The following AFF2 variants were observed in gnomAD, a reference collection of about 807,000 sequenced individuals.
AFF2 encodes the protein AF4/FMR2 family member 2.
In AFF2, 14 loss-of-function variants were observed where a neutral mutation model predicts 76.9. The ratio of observed to expected loss-of-function variants is 0.18; its 90% confidence interval spans 0.12 to 0.28. The LOEUF is 0.28. AFF2 is among the 10% of genes least tolerant of loss of function. The pLI is 1.00. For synonymous variants in AFF2, 398 were observed against 366.7 expected, an observed-to-expected ratio of 1.09 and a Z score of -0.98; for missense variants, 868 against 1,001.1, an observed-to-expected ratio of 0.87 and a Z score of 1.79.
chrX:148,898,379 G>T (rs781980653), intron 8 of AFF2, among the ~76,000 whole-genome samples: 1 of 112,446 alleles, frequency 8.9e-6, no homozygotes, highest in South Asian at 3.7e-4. Context: ...GCCTTAGGAG[G>T]ATTCATCTTG....
intron 3 of AFF2, among the ~76,000 whole-genome samples, chrX:148,747,138 A>G (rs16994698): frequency 0.061 from 6,845 of 111,729 alleles, 492 homozygotes; most frequent in African/African-American, 0.2. Context: ...GCAGTAACCA[A>G]GACTCCTCAT....
chrX:148,689,847 T>C (rs782100623), intron 3 of AFF2, among the ~76,000 whole-genome samples: 9 of 112,207 alleles, frequency 8.0e-5, no homozygotes, highest in Non-Finnish European at 1.7e-4. Flanking sequence ...GCTGGCTTTG[T>C]TGCATTTTCA....
rs2072590687 is a variant in AFF2 at position 148,995,731 on chromosome X, T to G, written c.*4399T>G. On this transcript the variant is annotated 3_prime_UTR_variant, in exon 21 of 21. Coordinates refer to ENST00000370460, the MANE Select transcript of AFF2 (RefSeq NM_002025.4). ...AAAAATCATTCAAAATTTCAAACTC[T>G]TTTGCCAGTGACCTCAATTTTGTTG... is the stretch of plus-strand genomic sequence containing the variant. 1 of 112,845 alleles carries G rather than the reference T, an allele frequency of 8.9e-6. No homozygotes were observed. Among genetic ancestry groups the G allele is most frequent in the Non-Finnish European group, 1.9e-5 (1 of 53,298 alleles). The allele number at this position is 112,845 out of a possible 1,213,427, so 9.3% of individuals were successfully genotyped here. A position where few individuals can be genotyped will look rare whatever the true frequency, so the allele number is the denominator to read the frequency against.
At chrX:148,869,703 T>C (rs1189031506) in intron 7 of AFF2, among the ~76,000 whole-genome samples, 3 of 112,168 alleles carry the variant, frequency 2.7e-5, no homozygotes, top group Non-Finnish European at 3.8e-5. Flanking sequence ...GTTGGAAGGC[T>C]TAAAGCAACA....
intron 7 of AFF2, among the ~76,000 whole-genome samples, chrX:148,850,131 C>A (rs1039242655): frequency 4.5e-5 from 5 of 111,567 alleles, no homozygotes; most frequent in African/African-American, 1.6e-4. Flanking sequence ...TCTATTCCTG[C>A]AAGAGACTTA....
rs193261726 is a variant in AFF2, at chrX:148,761,364, C to T, written c.1042-48512C>T. Among the ~76,000 whole-genome samples, 8 of 109,848 alleles carry T rather than the reference C, an allele frequency of 7.3e-5. No homozygotes were observed. The East Asian group carries it at 2.0e-3, about 27-fold the overall frequency. On this transcript the variant is annotated intron_variant, in intron 3 of 20. Coordinates refer to ENST00000370460, the MANE Select transcript of AFF2 (RefSeq NM_002025.4). ...TGGGGGGAAAAGTCACTGTACTTGT[C>T]GCTTAGGCCTGTGGGTGTATATGGG...
At chrX:148,896,356 T>C (rs2071284189) in intron 8 of AFF2, among the ~76,000 whole-genome samples, 1 of 111,888 alleles carries the variant, frequency 8.9e-6, no homozygotes, top group Non-Finnish European at 1.9e-5. Flanking sequence ...TCTGTTTTAA[T>C]ATATTTGTGT....
In AFF2 at chrX:148,999,891, T is replaced by G. The variant is rs1187154523; in HGVS notation, c.*8559T>G. Reference sequence around the variant, plus strand: ...AAGAGGAAATTGTAGTAGGTCAAGATGCATGAGAGGGAAGATGGAGGCCAC... The same window carrying G: ...AAGAGGAAATTGTAGTAGGTCAAGAGGCATGAGAGGGAAGATGGAGGCCAC... On this transcript the variant is annotated 3_prime_UTR_variant, in exon 21 of 21. Coordinates refer to ENST00000370460, the MANE Select transcript of AFF2 (RefSeq NM_002025.4). The G allele has an allele frequency of 2.7e-5, 3 of 111,604 alleles. 1 individual carries two copies. Among genetic ancestry groups the G allele is most frequent in the African/African-American group, 9.8e-5 (3 of 30,639 alleles). 9.2% of individuals were successfully genotyped at this position (111,604 alleles called of 1,213,427 possible). A position where few individuals can be genotyped will look rare whatever the true frequency, so the allele number is the denominator to read the frequency against.
At position 148,987,444 on chromosome X, in the gene AFF2, C is replaced by T. The variant is rs1225055723; in HGVS notation, c.3701C>T (p.Thr1234Ile). The T allele has an allele frequency of 1.9e-5, 23 of 1,209,618 alleles. No homozygotes were observed. Among genetic ancestry groups the T allele is most frequent in the Non-Finnish European group, 2.5e-5 (22 of 894,867 alleles). Residue 1234 changes from threonine to isoleucine, a missense_variant, in exon 20 of 21, where the codon ACC (threonine) becomes ATC (isoleucine). Transcript: ENST00000370460. ...AMGNCNNGPV[T>I]IPQRIHHMAA... Reference sequence around the variant, plus strand: ...GGGAACTGTAACAATGGCCCAGTCACCATTCCCCAGCGCATTCACCACATG... The same window carrying T: ...GGGAACTGTAACAATGGCCCAGTCATCATTCCCCAGCGCATTCACCACATG...
At position 148,786,680 on chromosome X, in the gene AFF2, A is replaced by G. The variant is rs1011535835; in HGVS notation, c.1042-23196A>G. ...ACTTTATTACCTCAGTAAAGGCCCT[A>G]TAACTAAAGAAGGTCACACTGTGAG... is the stretch of plus-strand genomic sequence containing the variant. On this transcript the variant is annotated intron_variant, in intron 3 of 20. Transcript: ENST00000370460. 6.2e-5 allele frequency among the ~76,000 whole-genome samples: 7 copies of G among 112,344 alleles called. No homozygotes were observed. In the South Asian group the frequency reaches 2.2e-3, roughly 36 times the overall value.
chrX:148,647,998 A>T (rs1368654920), intron 1 of AFF2, among the ~76,000 whole-genome samples: 2 of 111,908 alleles, frequency 1.8e-5, no homozygotes, highest in African/African-American at 6.5e-5. Context: ...AATGAACCTG[A>T]GGCTTTTAAT....
intron 3 of AFF2, among the ~76,000 whole-genome samples, chrX:148,679,971 A>G (rs1557259800): frequency 8.9e-6 from 1 of 112,333 alleles, no homozygotes; most frequent in Non-Finnish European, 1.9e-5. Flanking sequence ...TATAATCTTG[A>G]TAAATGCTGT....
chrX:148,626,989 G>A (rs1287289079), intron 1 of AFF2, among the ~76,000 whole-genome samples: 1 of 111,125 alleles, frequency 9.0e-6, no homozygotes, highest in Admixed American at 9.6e-5. Flanking sequence ...GCAGGAGATT[G>A]CTTGAGGCCA....
chrX:148,540,500 G>C, intron 1 of AFF2, among the ~76,000 whole-genome samples: 1 of 108,576 alleles, frequency 9.2e-6, no homozygotes, highest in Non-Finnish European at 1.9e-5. Context: ...TAAAAAGCCA[G>C]TATAGTCGCA....
At chrX:148,928,964 G>T (rs1557284088) in intron 9 of AFF2, among the ~76,000 whole-genome samples, 1 of 111,875 alleles carries the variant, frequency 8.9e-6, no homozygotes, top group African/African-American at 3.3e-5. Flanking sequence ...ATCTTGCCAG[G>T]TTCCTCCTTC....
At chrX:148,771,066 C>A (rs1362719400) in intron 3 of AFF2, among the ~76,000 whole-genome samples, 2 of 112,042 alleles carry the variant, frequency 1.8e-5, no homozygotes, top group Non-Finnish European at 3.8e-5. Flanking sequence ...TGTGGCTAGT[C>A]CCAAATGAAA....
At chrX:148,773,689 A>G (rs190788939) in intron 3 of AFF2, among the ~76,000 whole-genome samples, 168 of 52,234 alleles carry the variant, frequency 3.2e-3, no homozygotes, top group African/African-American at 0.016. Context: ...AAGGAAGGAA[A>G]GAAAGAAAGA....
intron 1 of AFF2, among the ~76,000 whole-genome samples, chrX:148,557,759 C>G (rs1276657553): frequency 1.8e-5 from 2 of 112,277 alleles, no homozygotes; most frequent in African/African-American, 6.5e-5. Context: ...TGCATGGAAA[C>G]ATTCTCAAAA....
At chrX:148,908,214 G>A (rs1370483736) in intron 9 of AFF2, among the ~76,000 whole-genome samples, 8 of 111,014 alleles carry the variant, frequency 7.2e-5, no homozygotes, top group African/African-American at 2.3e-4. Flanking sequence ...GTCCTGAGGC[G>A]ACATACATCC....
Sources: gnomAD v4.1 joint callset for allele counts (sites outside exome capture counted in the v4.1 genomes callset) on GRCh38, gnomAD v4.1.1 for gene constraint, MANE v1.5 for transcripts, NCBI Gene and HGNC (gene_info 2026-07-23, HGNC 2026-07-21) for gene names.